Variants in CTNNA3 observed in about 807,000 individuals in gnomAD.
The protein encoded by CTNNA3 is catenin alpha 3.
A neutral mutation model predicts 95.7 loss-of-function variants in CTNNA3; 76 were observed. The ratio of observed to expected loss-of-function variants is 0.79; its 90% CI spans 0.66 to 0.96. The LOEUF is 0.96. CTNNA3 is among the 40% of genes least tolerant of loss of function. The pLI is 0.00. For missense variants in CTNNA3, 1,191 were observed against 1,089.8 expected, an observed-to-expected ratio of 1.09 and a Z score of -1.31; for synonymous variants, 431 against 374.4, an observed-to-expected ratio of 1.15 and a Z score of -1.74.
chr10:66,057,129 C>T (rs1199154074), intron 15 of CTNNA3, among the ~76,000 whole-genome samples: 1 of 152,116 alleles, frequency 6.6e-6, no homozygotes, highest in Middle Eastern at 3.2e-3. Context: ...TAAAGCTTTC[C>T]TTTTCCCTGC....
chr10:66,499,668 G>T (rs981443164), intron 11 of CTNNA3, among the ~76,000 whole-genome samples: 1 of 152,030 alleles, frequency 6.6e-6, no homozygotes, highest in South Asian at 2.1e-4. Context: ...AGCAATTAAG[G>T]AATTCTCTGT....
intron 9 of CTNNA3, among the ~76,000 whole-genome samples, chr10:66,745,967 A>G (rs1244736901): frequency 6.6e-6 from 1 of 152,118 alleles, no homozygotes; most frequent in Admixed American, 6.6e-5. Flanking sequence ...ATTATCCATG[A>G]TAAGGCATTA....
intron 6 of CTNNA3, among the ~76,000 whole-genome samples, chr10:67,218,942 A>G (rs893529031): frequency 2.0e-5 from 3 of 152,152 alleles, no homozygotes; most frequent in Non-Finnish European, 4.4e-5. Context: ...CTTGGAGTAA[A>G]AGCCAAAGTC....
intron 13 of CTNNA3, among the ~76,000 whole-genome samples, chr10:66,111,015 T>C (rs964200926): frequency 3.3e-5 from 5 of 152,194 alleles, no homozygotes; most frequent in African/African-American, 1.2e-4. Flanking sequence ...TAAGGTGTTG[T>C]GTCACGATGT....
At chr10:66,944,000 G>A (rs1035403328) in intron 7 of CTNNA3, among the ~76,000 whole-genome samples, 3 of 152,166 alleles carry the variant, frequency 2.0e-5, no homozygotes, top group Non-Finnish European at 4.4e-5. Context: ...ACAGATCAGG[G>A]TGGTGGTTGC....
rs758846839 is a variant in CTNNA3 at position 66,008,022 on chromosome 10, G to A, written c.2160-19225C>T. Among the ~76,000 whole-genome samples the A allele has an allele frequency of 5.1e-4, 78 of 151,932 alleles. 1 individual carries two copies. Among genetic ancestry groups the A allele is most frequent in the Non-Finnish European group, 2.6e-4 (18 of 68,000 alleles). On this transcript the variant is annotated intron_variant, in intron 15 of 17. Coordinates refer to ENST00000433211, the MANE Select transcript of CTNNA3 (RefSeq NM_013266.4). ...TGTCTTTCTGAAAATAGGCCTCAACGTTTTCCCCAAATACTCTTGAAAACC... is the reference window on the plus strand; with the variant it reads ...TGTCTTTCTGAAAATAGGCCTCAACATTTTCCCCAAATACTCTTGAAAACC...
Position 67,169,210 on chromosome 10 carries a change from G to C in CTNNA3, c.1047+11107C>G, listed in dbSNP as rs560561005. On this transcript the variant is annotated intron_variant, in intron 7 of 17. Coordinates refer to ENST00000433211, the MANE Select transcript of CTNNA3 (RefSeq NM_013266.4). Reference sequence around the variant, plus strand: ...TCAGTATCATTAAAATGGCCATACTGCCCAAAGCAATTTACAGATTCATTG... The same window carrying C: ...TCAGTATCATTAAAATGGCCATACTCCCCAAAGCAATTTACAGATTCATTG... 5.9e-5 allele frequency among the ~76,000 whole-genome samples: 9 copies of C among 152,234 alleles called. No homozygotes were observed. In the East Asian group the frequency reaches 1.7e-3, roughly 29 times the overall value.
chr10:66,639,303 C>T (rs190423454), intron 9 of CTNNA3, among the ~76,000 whole-genome samples: 107 of 152,222 alleles, frequency 7.0e-4, no homozygotes, highest in African/African-American at 2.4e-3. Context: ...ATTTCAAGAT[C>T]TGCATCCTAG....
chr10:66,102,131 T>A (rs767416275), intron 14 of CTNNA3, among the ~76,000 whole-genome samples: 19 of 152,086 alleles, frequency 1.2e-4, no homozygotes, highest in Non-Finnish European at 2.8e-4. Flanking sequence ...CAACATCAGA[T>A]ACAACCATAA....
chr10:66,380,537 G>C (rs2132492975), intron 11 of CTNNA3, among the ~76,000 whole-genome samples: 1 of 151,702 alleles, frequency 6.6e-6, no homozygotes, highest in Non-Finnish European at 1.5e-5. Context: ...GAGCCCAGGA[G>C]TTTGAGGCTA....
intron 11 of CTNNA3, among the ~76,000 whole-genome samples, chr10:66,499,576 T>C (rs1442117273): frequency 6.6e-6 from 1 of 152,152 alleles, no homozygotes; most frequent in Admixed American, 6.5e-5. Context: ...GGAAAATCAA[T>C]TTTAATAGAG....
intron 13 of CTNNA3, among the ~76,000 whole-genome samples, chr10:66,184,759 T>G (rs1306645691): frequency 6.6e-6 from 1 of 152,232 alleles, no homozygotes; most frequent in Non-Finnish European, 1.5e-5. Flanking sequence ...TATCATCCTG[T>G]CAAATCAAAC....
chr10:67,327,629 C>G (rs1407291495), intron 5 of CTNNA3, among the ~76,000 whole-genome samples: 2 of 152,164 alleles, frequency 1.3e-5, no homozygotes, highest in African/African-American at 2.4e-5. Context: ...GAGGTGCTCC[C>G]AGACCACTGG....
intron 13 of CTNNA3, among the ~76,000 whole-genome samples, chr10:66,169,035 A>G (rs1467931437): frequency 2.2e-4 from 33 of 152,108 alleles, no homozygotes; most frequent in Admixed American, 2.2e-3. Flanking sequence ...ATTCCTTCTC[A>G]TGTACCAATT....
At chr10:67,196,547 G>A (rs1863377989) in intron 6 of CTNNA3, among the ~76,000 whole-genome samples, 1 of 151,960 alleles carries the variant, frequency 6.6e-6, no homozygotes, top group African/African-American at 2.4e-5. Context: ...CTGTAATGAT[G>A]GTTAAACCAG....
intron 7 of CTNNA3, among the ~76,000 whole-genome samples, chr10:67,179,149 C>G (rs970832188): frequency 6.6e-6 from 1 of 151,954 alleles, no homozygotes; most frequent in Non-Finnish European, 1.5e-5. Flanking sequence ...AAGTCATACC[C>G]TTTGTAACTA....
At chr10:65,985,729 C>G (rs1383893949) in intron 16 of CTNNA3, among the ~76,000 whole-genome samples, 1 of 151,410 alleles carries the variant, frequency 6.6e-6, no homozygotes, top group Non-Finnish European at 1.5e-5. Flanking sequence ...ACAAGGCTGC[C>G]TACTGTCACC....
At chr10:67,663,437 C>A (rs532263544) in intron 1 of CTNNA3, among the ~76,000 whole-genome samples, 12 of 151,998 alleles carry the variant, frequency 7.9e-5, no homozygotes, top group Admixed American at 3.9e-4. Flanking sequence ...AAGTGCGGTC[C>A]CCAGTCAGTA....
chr10:66,291,083 GT>G, intron 12 of CTNNA3, among the ~76,000 whole-genome samples: 1 of 152,184 alleles, frequency 6.6e-6, no homozygotes, highest in Non-Finnish European at 1.5e-5. Context: ...CACTTACTAA[GT>G]ACCAGTTATT....
Sources: allele counts gnomAD v4.1 joint callset (sites outside exome capture counted in the v4.1 genomes callset), GRCh38; gene constraint gnomAD v4.1.1; transcripts MANE v1.5; gene names NCBI Gene and HGNC (gene_info 2026-07-23, HGNC 2026-07-21).